The following FRK variants were observed in gnomAD, a reference collection of about 807,000 sequenced individuals.
The protein encoded by FRK is tyrosine-protein kinase FRK.
In FRK, 51 loss-of-function variants were observed where a neutral mutation model predicts 56.4. The observed-to-expected ratio is 0.90, with a 90% confidence interval of 0.72 to 1.14. FRK has a LOEUF of 1.14. FRK is among the 50% of genes most tolerant of loss of function. The pLI, the probability that FRK is intolerant of heterozygous loss-of-function variation, is 0.00. For missense variants in FRK, 570 were observed against 601.4 expected, an observed-to-expected ratio of 0.95 and a Z score of 0.55; for synonymous variants, 245 against 217.9, an observed-to-expected ratio of 1.12 and a Z score of -1.10.
At chr6:115,966,823 C>G (rs1182917524) in intron 4 of FRK, among the ~76,000 whole-genome samples, 1 of 152,124 alleles carries the variant, frequency 6.6e-6, no homozygotes, top group Non-Finnish European at 1.5e-5. Context: ...TAGTTTTTAT[C>G]CATCACTTAC....
chr6:115,938,924 C>T lies in FRK; in HGVS notation c.*3490G>A, dbSNP rs150896400. 1 of 152,106 alleles carries T rather than the reference C, an allele frequency of 6.6e-6. No individual in the cohort carries two copies. Among genetic ancestry groups the T allele is most frequent in the African/African-American group, 2.4e-5 (1 of 41,500 alleles). 9.4% of individuals were successfully genotyped at this position (152,106 alleles called of 1,614,324 possible). On this transcript the variant is annotated 3_prime_UTR_variant, in exon 8 of 8. Transcript: ENST00000606080. ...AGGTACAAAGCTAGTACTATTCTTTCTGAAACTATTCCAAACAATAGGAAA... is the reference window on the plus strand; with the variant it reads ...AGGTACAAAGCTAGTACTATTCTTTTTGAAACTATTCCAAACAATAGGAAA...
At chr6:116,044,891 A>G (rs938990844) in intron 1 of FRK, among the ~76,000 whole-genome samples, 4 of 152,006 alleles carry the variant, frequency 2.6e-5, no homozygotes, top group African/African-American at 9.7e-5. Flanking sequence ...CAAAGTGTCA[A>G]TACAAAATCA....
At chr6:116,028,993 T>G (rs888720206) in intron 1 of FRK, among the ~76,000 whole-genome samples, 1 of 152,120 alleles carries the variant, frequency 6.6e-6, no homozygotes, top group South Asian at 2.1e-4. Context: ...AGTTGAGATG[T>G]GGGACCTGCC....
At chr6:116,071,271 A>G in the FRK span, among the ~76,000 whole-genome samples, 2 of 152,172 alleles carry the variant, frequency 1.3e-5, no homozygotes, top group African/African-American at 2.4e-5. Context: ...TTTAGCACAG[A>G]AAGTCTGTAA....
rs1296809940 is a variant in FRK, at chr6:115,968,711, G to C, written c.495C>G (p.Tyr165Ter). The change falls in exon 3 of 8, where the codon TAC (tyrosine) becomes TAG (stop). Residue 165 changes from tyrosine to a stop codon, truncating the protein, a stop_gained. Transcript: ENST00000606080. LOFTEE classifies it high-confidence loss of function. Reference sequence around the variant, plus strand: ...CCCCTTCATCCAGTCTTTTAATTCTGTAGTGTTTTACAACTGCTCCATCTA... The same window carrying C: ...CCCCTTCATCCAGTCTTTTAATTCTCTAGTGTTTTACAACTGCTCCATCTA... ...SVLDGAVVKH[Y>*]RIKRLDEGGF... 1.2e-6 allele frequency: 2 copies of C among 1,613,612 alleles called. No individual in the cohort carries two copies. Among genetic ancestry groups the C allele is most frequent in the Admixed American group, 1.7e-5 (1 of 59,942 alleles).
intron 1 of FRK, among the ~76,000 whole-genome samples, chr6:116,028,831 G>T (rs1468529716): frequency 6.6e-6 from 1 of 152,052 alleles, no homozygotes; most frequent in Non-Finnish European, 1.5e-5. Context: ...AAAGACTTTG[G>T]GGGGACATAC....
intron 1 of FRK, 80 bp from the exon 2 acceptor site, chr6:116,004,078 T>G (rs569656818): frequency 1.6e-6 from 2 of 1,253,048 alleles, no homozygotes; most frequent in Admixed American, 4.1e-5. Flanking sequence ...CAAGATAGTA[T>G]TCTAATATCA....
At chr6:116,093,001 A>C in the FRK span, among the ~76,000 whole-genome samples, 9 of 152,264 alleles carry the variant, frequency 5.9e-5, no homozygotes, top group African/African-American at 2.2e-4. Flanking sequence ...GGTATAAATA[A>C]CAATACTATC....
At chr6:116,088,970 T>G in the FRK span, among the ~76,000 whole-genome samples, 1 of 152,342 alleles carries the variant, frequency 6.6e-6, no homozygotes, top group African/African-American at 2.4e-5. Flanking sequence ...ATATTTGGCA[T>G]ACCCTTAAAT....
chr6:116,002,858 A>T (rs1227928902), intron 2 of FRK: 3 of 350,148 alleles, frequency 8.6e-6, no homozygotes, highest in East Asian at 1.7e-4. Context: ...GATATTTGGG[A>T]CTACCAGGTG....
At chr6:116,091,535 C>T in the FRK span, among the ~76,000 whole-genome samples, 1 of 152,124 alleles carries the variant, frequency 6.6e-6, no homozygotes, top group South Asian at 2.1e-4. Flanking sequence ...GACCAAGAAC[C>T]CACCGGAAGG....
At chr6:116,096,666 T>C in the FRK span, among the ~76,000 whole-genome samples, 1 of 151,228 alleles carries the variant, frequency 6.6e-6, no homozygotes, top group African/African-American at 2.5e-5. Flanking sequence ...CAGCACTCTA[T>C]AAAATGGACC....
intron 1 of FRK, among the ~76,000 whole-genome samples, chr6:116,045,118 G>A (rs1010992913): frequency 1.5e-4 from 22 of 150,758 alleles, no homozygotes; most frequent in Admixed American, 1.4e-3. Flanking sequence ...CCATGCTTAT[G>A]GATAGAAAGA....
In FRK at chr6:115,967,533, C is replaced by A; in HGVS notation, c.799+18G>T. The stretch of plus-strand genomic sequence containing the variant: ...ATAAAAATCAACATATGCCATTTAA[C>A]CTTTATTGTTCTCGCACCTGGTTTT... On this transcript the variant is annotated intron_variant, in intron 4 of 7. Transcript: ENST00000606080. The A allele has an allele frequency of 6.2e-7, 1 of 1,610,598 alleles. No homozygotes were observed. The highest frequency in any genetic ancestry group is 8.5e-7 in the Non-Finnish European group (1 of 1,177,534).
intron 2 of FRK, among the ~76,000 whole-genome samples, chr6:115,971,740 A>G (rs917834288): frequency 6.6e-6 from 1 of 152,200 alleles, no homozygotes; most frequent in African/African-American, 2.4e-5. Context: ...CTCTACTGCT[A>G]CGTGATCAGA....
chr6:115,954,844 G>A (rs1009995815), intron 5 of FRK, among the ~76,000 whole-genome samples: 2 of 152,128 alleles, frequency 1.3e-5, no homozygotes, highest in Admixed American at 6.5e-5. Context: ...GGTGAGATTA[G>A]TCTCATCCCC....
In FRK at chr6:115,992,970, T is replaced by C. The variant is rs546753160; in HGVS notation, c.466+10907A>G. The stretch of plus-strand genomic sequence containing the variant: ...AATAAATAGAGAACCAGAAAGGACA[T>C]TGGGAGAGATTCGAGTATGAACTCT... On this transcript the variant is annotated intron_variant, in intron 2 of 7. Transcript: ENST00000606080. Among the ~76,000 whole-genome samples the C allele has an allele frequency of 1.3e-4, 20 of 151,900 alleles. No homozygotes were observed. The East Asian group carries it at 1.5e-3, about 12-fold the overall frequency.
Position 116,060,422 on chromosome 6 carries a change from TACTTC to T in FRK, c.-116_-112del. On this transcript the variant is annotated 5_prime_UTR_variant, in exon 1 of 8. Transcript: ENST00000606080. ...CTTTGAAGTCAGCACCAACTCACCA[TACTTC>T]GGAGAGTATGCAAAGTCCCGTTTCA... 1 of 792,370 alleles carries T rather than the reference TACTTC, an allele frequency of 1.3e-6. No homozygotes were observed. Among genetic ancestry groups the T allele is most frequent in the Non-Finnish European group, 2.0e-6 (1 of 493,576 alleles). 49.1% of individuals were successfully genotyped at this position (792,370 alleles called of 1,614,324 possible).
rs1027807087 is a variant in FRK, at chr6:115,938,548, G to T, written c.*3866C>A. ...CAATGAATCCAGGATCTGATTTTTT[G>T]AAAAGATCAACAAAATAGAATGCTA... On this transcript the variant is annotated 3_prime_UTR_variant, in exon 8 of 8. Transcript: ENST00000606080. 1.3e-5 allele frequency: 2 copies of T among 152,212 alleles called. No homozygotes were observed. Among genetic ancestry groups the T allele is most frequent in the East Asian group, 3.9e-4 (2 of 5,186 alleles). The allele number at this position is 152,212 out of a possible 1,614,324, so 9.4% of individuals were successfully genotyped here. A position where few individuals can be genotyped will look rare whatever the true frequency, so the allele number is the denominator to read the frequency against.
Sources: allele counts gnomAD v4.1 joint callset (sites outside exome capture counted in the v4.1 genomes callset), GRCh38; gene constraint gnomAD v4.1.1; transcripts MANE v1.5; gene names NCBI Gene and HGNC (gene_info 2026-07-23, HGNC 2026-07-21).